TRIP11: variants seen among roughly 807,000 people sequenced by gnomAD.
TRIP11 encodes thyroid hormone receptor interactor 11.
TRIP11 carries 148 observed loss-of-function variants against 223.1 expected under a neutral mutation model. That is an observed-to-expected ratio of 0.66 (90% CI 0.58 to 0.76). The LOEUF is 0.76. Among genes scored for constraint, TRIP11 ranks in the 30% least tolerant of loss-of-function variants. The pLI is 0.00. For missense variants in TRIP11, 2,043 were observed against 2,222.0 expected, an observed-to-expected ratio of 0.92 and a Z score of 1.62; for synonymous variants, 762 against 772.6, an observed-to-expected ratio of 0.99 and a Z score of 0.23.
chr14:91,970,008 T>C (rs988126802), intron 20 of TRIP11, 115 bp from the exon 21 acceptor site: 9 of 1,075,274 alleles, frequency 8.4e-6, no homozygotes, highest in African/African-American at 6.4e-5. Context: ...TTGATTAGCA[T>C]AGATAAATAA....
chr14:91,992,706 G>C (rs189216043), intron 15 of TRIP11, among the ~76,000 whole-genome samples: 3 of 151,744 alleles, frequency 2.0e-5, no homozygotes, highest in Non-Finnish European at 2.9e-5. Context: ...TCAGGAGATC[G>C]AGACTATCCT....
chr14:91,974,537 A>AT (rs113007599), intron 19 of TRIP11, 90 bp downstream of exon 19: 20 of 1,107,356 alleles, frequency 1.8e-5, no homozygotes, highest in South Asian at 3.9e-5. Context: ...GTATAAAATA[A>AT]TTTTAAAAAA....
chr14:91,984,762 A>G (rs1212393200), intron 16 of TRIP11, among the ~76,000 whole-genome samples: 1 of 152,192 alleles, frequency 6.6e-6, no homozygotes, highest in African/African-American at 2.4e-5. Flanking sequence ...ATCAATAGCA[A>G]TTCCATGGAA....
chr14:91,988,332 C>G lies in TRIP11; in HGVS notation c.5212G>C (p.Glu1738Gln). 6.2e-7 allele frequency: 1 copy of G among 1,613,782 alleles called. No individual in the cohort carries two copies. The highest frequency in any genetic ancestry group is 8.5e-7 in the Non-Finnish European group (1 of 1,179,912). ...AALDSASRLTEQLDVKEEQIE... is the reference protein window; with the variant it reads ...AALDSASRLTQQLDVKEEQIE... ...TGTTCTTCTTTTACATCTAACTGTT[C>G]TGTAAGTCTTGATGCTGAATCCAAT... Residue 1738 changes from glutamate to glutamine, a missense_variant, in exon 16 of 21, where the codon GAA becomes CAA. Glu to Gln is a conservative substitution (Grantham distance 29, BLOSUM62 2). Coordinates refer to ENST00000267622, the MANE Select transcript of TRIP11 (RefSeq NM_004239.4).
At chr14:91,988,462 C>T in intron 15 of TRIP11, 79 bp from the exon 16 acceptor site, 2 of 1,233,138 alleles carry the variant, frequency 1.6e-6, no homozygotes, top group Admixed American at 3.8e-5. Flanking sequence ...ATCTTAGAGT[C>T]AACCTCTACA....
intron 16 of TRIP11, among the ~76,000 whole-genome samples, chr14:91,982,095 G>A (rs2056552744): frequency 6.6e-6 from 1 of 152,172 alleles, no homozygotes; most frequent in East Asian, 1.9e-4. Context: ...GATTGGTTGA[G>A]GTCTACTGGA....
At chr14:92,026,580 C>T (rs560125866) in intron 2 of TRIP11, 15 of 1,281,368 alleles carry the variant, frequency 1.2e-5, no homozygotes, top group African/African-American at 1.2e-4. Flanking sequence ...CAGACGCAGC[C>T]GTGGACACCA....
intron 10 of TRIP11, among the ~76,000 whole-genome samples, chr14:92,007,399 T>C (rs2056918961): frequency 6.6e-6 from 1 of 152,264 alleles, no homozygotes; most frequent in Non-Finnish European, 1.5e-5. Flanking sequence ...GGATGCTGCC[T>C]GTTTTGTAAA....
intron 5 of TRIP11, among the ~76,000 whole-genome samples, chr14:92,017,153 A>T (rs539056978): frequency 6.6e-6 from 1 of 152,352 alleles, no homozygotes; most frequent in South Asian, 2.1e-4. Context: ...CTTACGAAAG[A>T]TAAGCTCCGT....
chr14:92,014,057 C>T (rs540298778), intron 7 of TRIP11, among the ~76,000 whole-genome samples, 158 bp downstream of exon 7: 1 of 152,310 alleles, frequency 6.6e-6, no homozygotes, highest in African/African-American at 2.4e-5. Context: ...TTAACTCTTA[C>T]ACTGAATCCA....
At chr14:92,032,621 T>A (rs568250300) in intron 2 of TRIP11, among the ~76,000 whole-genome samples, 1 of 152,078 alleles carries the variant, frequency 6.6e-6, no homozygotes, top group East Asian at 1.9e-4. Context: ...AATCACGAGG[T>A]CAGGAGTTTG....
At chr14:91,975,654 T>C (rs918630357) in intron 17 of TRIP11, among the ~76,000 whole-genome samples, 2 of 152,062 alleles carry the variant, frequency 1.3e-5, no homozygotes, top group Non-Finnish European at 2.9e-5. Flanking sequence ...TTTAATGTTA[T>C]GCTTATATTT....
At chr14:92,003,179 A>C (rs2056850076) in intron 11 of TRIP11, among the ~76,000 whole-genome samples, 1 of 152,214 alleles carries the variant, frequency 6.6e-6, no homozygotes, top group Non-Finnish European at 1.5e-5. Context: ...ATTAAGTACT[A>C]CTTAGCAATC....
At chr14:91,984,317 C>CTTTTTTTTTTTTT (rs138601782) in intron 16 of TRIP11, among the ~76,000 whole-genome samples, 1 of 127,922 alleles carries the variant, frequency 7.8e-6, no homozygotes, top group Non-Finnish European at 1.6e-5. Flanking sequence ...TTTTTCTTTT[C>CTTTTTTTTTTTTT]TTTTTTTTTT....
intron 5 of TRIP11, among the ~76,000 whole-genome samples, chr14:92,016,090 G>C (rs1326033224): frequency 6.6e-6 from 1 of 152,150 alleles, no homozygotes; most frequent in Non-Finnish European, 1.5e-5. Flanking sequence ...GGGAACATCA[G>C]CAAGAAAAGG....
At chr14:92,020,246 T>G (rs2057093563) in intron 4 of TRIP11, among the ~76,000 whole-genome samples, 1 of 150,374 alleles carries the variant, frequency 6.7e-6, no homozygotes, top group African/African-American at 2.5e-5. Context: ...ACTGAGACTC[T>G]CTCTCAAAAA....
chr14:92,002,348 A>C (rs1352755298), intron 11 of TRIP11, among the ~76,000 whole-genome samples: 1 of 152,192 alleles, frequency 6.6e-6, no homozygotes, highest in Non-Finnish European at 1.5e-5. Context: ...TAAACCAATA[A>C]GGTCAAAACA....
At chr14:92,011,480 T>A (rs1314620859) in intron 8 of TRIP11, among the ~76,000 whole-genome samples, 1 of 72,274 alleles carries the variant, frequency 1.4e-5, no homozygotes, top group Non-Finnish European at 2.3e-5. Context: ...CAAGACTCCG[T>A]CTCAAAAAAA....
At chr14:92,018,143 G>A (rs1279638073) in intron 4 of TRIP11, among the ~76,000 whole-genome samples, 6 of 148,214 alleles carry the variant, frequency 4.0e-5, no homozygotes, top group African/African-American at 1.3e-4. Flanking sequence ...CACTCAGGCT[G>A]GAATGCAGTG....
Sources: gnomAD v4.1 joint callset for allele counts (sites outside exome capture counted in the v4.1 genomes callset) on GRCh38, gnomAD v4.1.1 for gene constraint, MANE v1.5 for transcripts, NCBI Gene and HGNC (gene_info 2026-07-23, HGNC 2026-07-21) for gene names.